The following MYOF variants were observed in gnomAD, a reference collection of about 807,000 sequenced individuals.
The protein encoded by MYOF is fer-1-like 3, myoferlin.
A neutral mutation model predicts 284.2 loss-of-function variants in MYOF; 244 were observed. That is an observed-to-expected ratio of 0.86 (90% CI 0.77 to 0.95). MYOF has a LOEUF of 0.95. Ranked by LOEUF, MYOF falls within the 40% of genes least tolerant of loss-of-function variation. MYOF has a pLI of 0.00. For synonymous variants in MYOF, 904 were observed against 919.7 expected (o/e 0.98, Z 0.31); for missense variants, 2,496 against 2,560.6 (o/e 0.97, Z 0.54).
rs2133928917 is a variant in MYOF, at chr10:93,361,540, T to C, written c.2886A>G (p.Ala962=). 1 of 1,614,224 alleles carries C rather than the reference T, an allele frequency of 6.2e-7. No homozygotes were observed. The highest frequency in any genetic ancestry group is 1.1e-5 in the South Asian group (1 of 91,086). ...TYTDANGDKA[A]SPSELTCPPG... The stretch of plus-strand genomic sequence containing the variant: ...GAGGACAAGTCAACTCGCTGGGTGA[T>C]GCTGCTTTATCGCCGTTCTTACAAA... The change falls in exon 28 of 54, where the codon GCA becomes GCG. Residue 962 remains alanine (A), a synonymous_variant. Coordinates refer to ENST00000359263, the MANE Select transcript of MYOF (RefSeq NM_013451.4).
At chr10:93,358,431 C>A (rs963584696) in intron 29 of MYOF, among the ~76,000 whole-genome samples, 3 of 152,146 alleles carry the variant, frequency 2.0e-5, no homozygotes, top group Non-Finnish European at 4.4e-5. Flanking sequence ...CCATTTGACC[C>A]AGCAATCCCA....
chr10:93,422,795 C>CA (rs910417823), intron 5 of MYOF, among the ~76,000 whole-genome samples: 5 of 151,872 alleles, frequency 3.3e-5, no homozygotes, highest in Non-Finnish European at 7.4e-5. Flanking sequence ...TATTCCATCT[C>CA]AAAAAAATAA....
At chr10:93,356,917 G>C in intron 29 of MYOF, 69 bp from the exon 30 acceptor site, 2 of 1,437,630 alleles carry the variant, frequency 1.4e-6, no homozygotes, top group Non-Finnish European at 1.9e-6. Context: ...GATAAAACAG[G>C]TTATATGATC....
At chr10:93,318,285 G>T (rs766312626) in intron 49 of MYOF, among the ~76,000 whole-genome samples, 1 of 152,016 alleles carries the variant, frequency 6.6e-6, no homozygotes, top group Non-Finnish European at 1.5e-5. Flanking sequence ...GCCAGGCATG[G>T]TGATGCATGC....
intron 13 of MYOF, among the ~76,000 whole-genome samples, 154 bp downstream of exon 13, chr10:93,399,238 C>T (rs1454121743): frequency 2.6e-5 from 4 of 152,170 alleles, no homozygotes; most frequent in African/African-American, 4.8e-5. Flanking sequence ...AGAAGTCTGG[C>T]GTGTTCAGAC....
intron 35 of MYOF, 32 bp downstream of exon 35, chr10:93,351,165 A>G (rs1844486078): frequency 6.3e-7 from 1 of 1,599,298 alleles, no homozygotes; most frequent in South Asian, 1.1e-5. Flanking sequence ...CATCCGTTTG[A>G]TTTGATGAGT....
At position 93,377,443 on chromosome 10, in the gene MYOF, A is replaced by G. The variant is rs1273389357; in HGVS notation, c.2002-14T>C. On this transcript the variant is annotated splice_polypyrimidine_tract_variant and intron_variant, in intron 21 of 53. Coordinates refer to ENST00000359263, the MANE Select transcript of MYOF (RefSeq NM_013451.4). ...TATATTTGTTTGCTGAAGAATTTGA[A>G]AAGAGAGGAAATAATTGATAATTGT... The G allele has an allele frequency of 6.4e-7, 1 of 1,555,392 alleles. No homozygotes were observed. Among genetic ancestry groups the G allele is most frequent in the Admixed American group, 1.7e-5 (1 of 59,824 alleles).
At chr10:93,468,947 C>T (rs184943114) in intron 1 of MYOF, among the ~76,000 whole-genome samples, 100 of 152,286 alleles carry the variant, frequency 6.6e-4, no homozygotes, top group Middle Eastern at 6.8e-3. Flanking sequence ...AAGCAAAGGA[C>T]CAAGCATCCC....
intron 11 of MYOF, among the ~76,000 whole-genome samples, chr10:93,401,863 A>G (rs1157695530): frequency 6.6e-6 from 1 of 151,424 alleles, no homozygotes; most frequent in Non-Finnish European, 1.5e-5. Context: ...CTCTCTGGCC[A>G]CTTATATTCT....
At chr10:93,360,075 A>C (rs1844997360) in intron 28 of MYOF, 97 bp from the exon 29 acceptor site, 1 of 1,450,260 alleles carries the variant, frequency 6.9e-7, no homozygotes. Context: ...CCCTGCCCTC[A>C]GATGTTCTGT....
At chr10:93,313,655 C>T (rs1215675350) in intron 50 of MYOF, among the ~76,000 whole-genome samples, 1 of 151,976 alleles carries the variant, frequency 6.6e-6, no homozygotes, top group East Asian at 1.9e-4. Flanking sequence ...AATCCTAGCA[C>T]TTTGGGAGGC....
At chr10:93,420,186 C>T (rs1193895640) in intron 5 of MYOF, among the ~76,000 whole-genome samples, 1 of 152,142 alleles carries the variant, frequency 6.6e-6, no homozygotes, top group Non-Finnish European at 1.5e-5. Flanking sequence ...TGAAGTCTGG[C>T]TATGAATGAG....
rs907775887 is a variant in MYOF at position 93,408,960 on chromosome 10, T to C, written c.601-45A>G. On this transcript the variant is annotated intron_variant, in intron 6 of 53. Transcript: ENST00000359263. ...TGGTTACCCAACCTTTCCCAGCACG[T>C]GGGATCCTTAGGATCCTCAGGTGTT... is the stretch of plus-strand genomic sequence containing the variant. 3.1e-6 allele frequency: 5 copies of C among 1,611,482 alleles called. No homozygotes were observed. The African/African-American group carries it at 6.7e-5, about 22-fold the overall frequency.
intron 7 of MYOF, among the ~76,000 whole-genome samples, chr10:93,404,906 G>A (rs1847483478): frequency 6.6e-6 from 1 of 152,114 alleles, no homozygotes; most frequent in Admixed American, 6.5e-5. Flanking sequence ...GTTGATTCTT[G>A]GGATATGAAT....
intron 3 of MYOF, among the ~76,000 whole-genome samples, chr10:93,441,437 T>G (rs987539476): frequency 2.3e-4 from 35 of 151,902 alleles, no homozygotes; most frequent in Non-Finnish European, 1.6e-4. Context: ...CAGGCTGGAG[T>G]GCAGTGGTGC....
At chr10:93,329,558 G>A (rs893180514) in intron 44 of MYOF, 106 bp downstream of exon 44, 56 of 1,087,740 alleles carry the variant, frequency 5.1e-5, no homozygotes, top group Non-Finnish European at 6.3e-5. Context: ...TGAGTGATAG[G>A]AGCAGTGGCT....
intron 31 of MYOF, among the ~76,000 whole-genome samples, chr10:93,354,244 G>A (rs1844677487): frequency 6.6e-6 from 1 of 152,188 alleles, no homozygotes. Flanking sequence ...TGGGCATGGT[G>A]GTGCACGTCT....
chr10:93,348,184 G>A (rs941556179), intron 36 of MYOF, among the ~76,000 whole-genome samples: 4 of 152,184 alleles, frequency 2.6e-5, no homozygotes, highest in African/African-American at 9.6e-5. Context: ...TCTGCTTCCT[G>A]GGAGGGGACA....
At chr10:93,360,554 G>A (rs1845022300) in intron 28 of MYOF, among the ~76,000 whole-genome samples, 1 of 152,208 alleles carries the variant, frequency 6.6e-6, no homozygotes, top group African/African-American at 2.4e-5. Context: ...GATCAGTGAG[G>A]AGCTTATAAT....
Sources: gnomAD v4.1 joint callset for allele counts (sites outside exome capture counted in the v4.1 genomes callset) on GRCh38, gnomAD v4.1.1 for gene constraint, MANE v1.5 for transcripts, NCBI Gene and HGNC (gene_info 2026-07-23, HGNC 2026-07-21) for gene names.